PDXDC1: variants seen among roughly 807,000 people sequenced by gnomAD.
The protein encoded by PDXDC1 is pyridoxal dependent decarboxylase domain containing 1, also known as pyridoxal-dependent decarboxylase domain-containing protein 1.
In PDXDC1, 42 loss-of-function variants were observed where a neutral mutation model predicts 100.1. That is an observed-to-expected ratio of 0.42 (90% CI 0.33 to 0.54). The LOEUF (loss-of-function observed/expected upper bound fraction) is 0.54, where lower values mean the gene tolerates loss of function less well. PDXDC1 is among the 20% of genes least tolerant of loss of function. The pLI is 0.10. For synonymous variants in PDXDC1, 260 were observed against 371.7 expected, an observed-to-expected ratio of 0.70 and a Z score of 3.46; for missense variants, 636 against 979.2, an observed-to-expected ratio of 0.65 and a Z score of 4.68.
the PDXDC1 span, among the ~76,000 whole-genome samples, chr16:15,147,356 C>G: frequency 6.6e-6 from 1 of 152,218 alleles, no homozygotes; most frequent in Admixed American, 6.5e-5. Flanking sequence ...CCAGAGCATG[C>G]TGATGAAATC....
chr16:14,984,911 G>A (rs1968978772), intron 1 of PDXDC1, among the ~76,000 whole-genome samples: 1 of 152,176 alleles, frequency 6.6e-6, no homozygotes. Context: ...GTCTTGCTCT[G>A]TCACCTAGGC....
rs896266551 is a variant in PDXDC1 at position 15,130,904 on chromosome 16, G to A, written c.1400-7975G>A. On this transcript the variant is annotated intron_variant, in intron 16 of 16. Coordinates refer to the PDXDC1 transcript ENST00000535621. ...GCCACGGGCCTGAAAGGCCATAGGA[G>A]CCTCTGCACCAGAGCTGGCACCTGC... The A allele has an allele frequency of 7.3e-5, 52 of 713,362 alleles. No homozygotes were observed. The African/African-American group carries it at 8.0e-4, about 11-fold the overall frequency. The allele number at this position is 713,362 out of a possible 1,614,324, so 44.2% of individuals were successfully genotyped here. A position where few individuals can be genotyped will look rare whatever the true frequency, so the allele number is the denominator to read the frequency against.
intron 16 of PDXDC1, chr16:15,123,369 C>G (rs2047533708): frequency 3.5e-6 from 4 of 1,144,166 alleles, no homozygotes. Context: ...CAGGGTTCCT[C>G]AAGGTCACTT....
At position 15,073,248 on chromosome 16, in the gene PDXDC1, C is replaced by T. The variant is rs192510462; in HGVS notation, c.1399+43192C>T. Among the ~76,000 whole-genome samples the T allele has an allele frequency of 7.4e-4, 113 of 152,238 alleles. No individual in the cohort carries two copies. The highest frequency in any genetic ancestry group is 2.0e-3 in the African/African-American group (85 of 41,548). On this transcript the variant is annotated intron_variant, in intron 16 of 16. Coordinates refer to the PDXDC1 transcript ENST00000535621. ...TGGGAGGCCAAAGTGAGAGGGAGCC[C>T]GGGAGTTCAAGGGCAGCCTGGGGAA...
intron 16 of PDXDC1, among the ~76,000 whole-genome samples, chr16:15,090,065 C>A (rs2046070727): frequency 6.6e-6 from 1 of 151,710 alleles, no homozygotes; most frequent in Non-Finnish European, 1.5e-5. Context: ...AAAAAATTAA[C>A]CAGGCATGGT....
chr16:15,080,872 T>C (rs1162547237), intron 16 of PDXDC1, among the ~76,000 whole-genome samples: 1 of 152,032 alleles, frequency 6.6e-6, no homozygotes, highest in East Asian at 1.9e-4. Flanking sequence ...TACATGTTTT[T>C]AGGGTTCAAT....
intron 16 of PDXDC1, among the ~76,000 whole-genome samples, chr16:15,098,773 G>T: frequency 6.6e-6 from 1 of 152,196 alleles, no homozygotes; most frequent in East Asian, 1.9e-4. Flanking sequence ...AGCTACTTGG[G>T]AGGCTGAGGC....
At chr16:15,111,456 C>A (rs1472718946) in intron 16 of PDXDC1, among the ~76,000 whole-genome samples, 209 of 100,366 alleles carry the variant, frequency 2.1e-3, no homozygotes, top group South Asian at 2.4e-3. Context: ...AACTCTGTCT[C>A]AAAAAAAAAA....
At chr16:15,034,254 A>C in intron 19 of PDXDC1, 32 bp from the exon 20 acceptor site, 1 of 1,603,672 alleles carries the variant, frequency 6.2e-7, no homozygotes, top group Middle Eastern at 2.1e-4. Flanking sequence ...GAGAACCTTA[A>C]ACAAGTAATG....
intron 16 of PDXDC1, chr16:15,085,702 T>C (rs2045890147): frequency 3.1e-6 from 5 of 1,613,138 alleles, no homozygotes; most frequent in Non-Finnish European, 3.4e-6. Context: ...ACTCGGGCTT[T>C]TGAGGGAAAA....
At chr16:15,065,301 T>G in intron 16 of PDXDC1, 1 of 1,613,798 alleles carries the variant, frequency 6.2e-7, no homozygotes, top group Non-Finnish European at 8.5e-7. Flanking sequence ...CCAGCGGTAC[T>G]CCTAATGACT....
At chr16:15,010,419 G>A (rs1254581005) in intron 8 of PDXDC1, 2 of 154,750 alleles carry the variant, frequency 1.3e-5, no homozygotes, top group African/African-American at 4.8e-5. Flanking sequence ...CAGGAGACAA[G>A]CAAGATGTTG....
the PDXDC1 span, among the ~76,000 whole-genome samples, chr16:15,147,652 A>C: frequency 3.9e-5 from 6 of 152,104 alleles, no homozygotes; most frequent in East Asian, 1.9e-4. Context: ...TCAGCCCCCA[A>C]AGTAGCTGAG....
At chr16:15,094,317 T>A (rs1195722384) in intron 16 of PDXDC1, 5 of 1,262,820 alleles carry the variant, frequency 4.0e-6, no homozygotes, top group Non-Finnish European at 5.6e-6. Flanking sequence ...AAGTTGCGCG[T>A]GCCAGCGCAA....
chr16:15,037,667 T>TAAA lies in PDXDC1; in HGVS notation c.*1393_*1395dup. ...GATATTATTTGAATGTTGGTTTCAA[T>TAAA]AAAGGTTCTTGAAATTGTTACCAGT... On this transcript the variant is annotated 3_prime_UTR_variant, in exon 23 of 23. Coordinates refer to ENST00000396410, the MANE Select transcript of PDXDC1 (RefSeq NM_015027.4). 1 of 171,880 alleles carries TAAA rather than the reference T, an allele frequency of 5.8e-6. No individual in the cohort carries two copies. Among genetic ancestry groups the TAAA allele is most frequent in the South Asian group, 1.9e-4 (1 of 5,290 alleles). The allele number at this position is 171,880 out of a possible 1,614,324, so 10.6% of individuals were successfully genotyped here.
chr16:15,085,003 C>T (rs1022358887), intron 16 of PDXDC1, among the ~76,000 whole-genome samples: 1 of 151,680 alleles, frequency 6.6e-6, no homozygotes, highest in African/African-American at 2.4e-5. Flanking sequence ...GAGGTGAAGG[C>T]TGCAGCGAAC....
At chr16:15,061,710 C>G (rs2044717545) in intron 16 of PDXDC1, 1 of 1,590,082 alleles carries the variant, frequency 6.3e-7, no homozygotes, top group African/African-American at 1.3e-5. Context: ...ATGGGGAATC[C>G]CAAATGTCAC....
Position 15,022,726 on chromosome 16 carries a change from T to A in PDXDC1, c.1112T>A (p.Leu371Ter). The A allele has an allele frequency of 6.2e-7, 1 of 1,612,752 alleles. No homozygotes were observed. The highest frequency in any genetic ancestry group is 8.5e-7 in the Non-Finnish European group (1 of 1,179,302). Residue 371 changes from leucine to a stop codon, truncating the protein, a stop_gained, in exon 13 of 23, where the codon TTG (leucine) becomes TAG (stop). Coordinates refer to ENST00000396410, the MANE Select transcript of PDXDC1 (RefSeq NM_015027.4). LOFTEE classifies it high-confidence loss of function. ...CAGAGTCAACGGTTGCAGGAAAGTT[T>A]GAAGAAAGTGAATTACATCAAAATC... Reference protein sequence around the residue: ...CQLSQRLQESLKKVNYIKILV... With the variant: ...CQLSQRLQES
intron 16 of PDXDC1, among the ~76,000 whole-genome samples, chr16:15,077,950 T>C (rs1244956069): frequency 4.6e-5 from 7 of 152,198 alleles, no homozygotes; most frequent in Admixed American, 3.9e-4. Flanking sequence ...CACAGACACA[T>C]TGTGTAATAA....
Sources: allele counts gnomAD v4.1 joint callset (sites outside exome capture counted in the v4.1 genomes callset), GRCh38; gene constraint gnomAD v4.1.1; transcripts MANE v1.5; gene names NCBI Gene and HGNC (gene_info 2026-07-23, HGNC 2026-07-21).